UTP20: variants seen among roughly 807,000 people sequenced by gnomAD.
UTP20 encodes UTP20 small subunit processome component, also known as small subunit processome component 20 homolog.
A neutral mutation model predicts 329.5 loss-of-function variants in UTP20; 164 were observed. The observed-to-expected ratio is 0.50, with a 90% CI of 0.44 to 0.57. The LOEUF is 0.57. UTP20 is among the 20% of genes least tolerant of loss of function. The probability of loss-of-function intolerance (pLI) is 0.00; values close to 1 mark genes in which losing one functional copy is unlikely to be tolerated. For synonymous variants in UTP20, 1,151 were observed against 1,159.3 expected, an observed-to-expected ratio of 0.99 and a Z score of 0.14; for missense variants, 3,055 against 3,284.2, an observed-to-expected ratio of 0.93 and a Z score of 1.71.
chr12:101,294,775 C>T (rs1872294822), intron 11 of UTP20, among the ~76,000 whole-genome samples: 1 of 151,822 alleles, frequency 6.6e-6, no homozygotes, highest in Non-Finnish European at 1.5e-5. Flanking sequence ...AACTCCTGAC[C>T]TCAGATGATC....
chr12:101,344,466 G>A (rs1366127655), intron 35 of UTP20, 129 bp from the exon 36 acceptor site: 2 of 629,196 alleles, frequency 3.2e-6, no homozygotes, highest in Non-Finnish European at 5.7e-6. Flanking sequence ...AAATATTTGT[G>A]GGAACTTGTT....
intron 11 of UTP20, among the ~76,000 whole-genome samples, chr12:101,294,525 A>G (rs1206072456): frequency 6.7e-6 from 1 of 148,840 alleles, no homozygotes; most frequent in African/African-American, 2.5e-5. Flanking sequence ...ACCTTTTTGT[A>G]TACATTCTCG....
chr12:101,318,054 G>A (rs1182540617), intron 22 of UTP20, among the ~76,000 whole-genome samples: 2 of 152,116 alleles, frequency 1.3e-5, no homozygotes, highest in Non-Finnish European at 2.9e-5. Context: ...TTAAAAATAA[G>A]CATGTTAGCA....
In UTP20 at chr12:101,320,844, G is replaced by A. The variant is rs1868353140; in HGVS notation, c.2830-8G>A. On this transcript the variant is annotated splice_region_variant and splice_polypyrimidine_tract_variant and intron_variant, in intron 23 of 61. Coordinates refer to ENST00000261637, the MANE Select transcript of UTP20 (RefSeq NM_014503.3). ...GACTTCATTAATTCTGTAAAATACT[G>A]TTCTTAGTTGTTGCTACACCAAGAT... 2.5e-6 allele frequency: 4 copies of A among 1,606,238 alleles called. No homozygotes were observed. Among genetic ancestry groups the A allele is most frequent in the Admixed American group, 3.4e-5 (2 of 58,006 alleles).
chr12:101,338,961 A>G lies in UTP20; in HGVS notation c.4013+4A>G, dbSNP rs768212682. ...AAGAGCTTGGCATTCTTTCAAAGTAAGTGATATGTTGATACTTAAAAGATA... is the reference window on the plus strand; with the variant it reads ...AAGAGCTTGGCATTCTTTCAAAGTAGGTGATATGTTGATACTTAAAAGATA... On this transcript the variant is annotated splice_donor_region_variant and intron_variant, in intron 31 of 61. Coordinates refer to ENST00000261637, the MANE Select transcript of UTP20 (RefSeq NM_014503.3). 6.9e-6 allele frequency: 11 copies of G among 1,583,750 alleles called. No homozygotes were observed. The highest frequency in any genetic ancestry group is 7.7e-6 in the Non-Finnish European group (9 of 1,171,940).
intron 7 of UTP20, 132 bp downstream of exon 7, chr12:101,290,406 A>G: frequency 5.4e-6 from 6 of 1,106,836 alleles, no homozygotes; most frequent in Non-Finnish European, 7.4e-6. Context: ...TTGGGTGTTC[A>G]GTAACAATGC....
Position 101,346,535 on chromosome 12 carries a change from A to T in UTP20, c.4831A>T (p.Asn1611Tyr). 6.2e-7 allele frequency: 1 copy of T among 1,609,748 alleles called. No homozygotes were observed. Among genetic ancestry groups the T allele is most frequent in the Non-Finnish European group, 8.5e-7 (1 of 1,178,322 alleles). Residue 1611 changes from asparagine (N) to tyrosine (Y), a missense_variant, in exon 38 of 62, where the codon AAT becomes TAT. By Grantham distance (143) the Asn-to-Tyr change is moderately radical. Transcript: ENST00000261637. ...TGTTCTGTCTTCTAAATCTCTTCAG[A>T]ATTACATCATGCCTTATGCCATGAC... ...KVVLSSKSLQ[N>Y]YIMPYAMTPI...
intron 27 of UTP20, among the ~76,000 whole-genome samples, chr12:101,329,975 A>G (rs1443329222): frequency 6.6e-6 from 1 of 151,830 alleles, no homozygotes; most frequent in Non-Finnish European, 1.5e-5. Flanking sequence ...AGCATGGGCA[A>G]CAGAGTGAGA....
intron 35 of UTP20, among the ~76,000 whole-genome samples, chr12:101,343,329 G>A (rs1869211133): frequency 6.6e-6 from 1 of 152,106 alleles, no homozygotes; most frequent in African/African-American, 2.4e-5. Context: ...AAATCAAGAA[G>A]TTATGTATTA....
chr12:101,306,703 G>T lies in UTP20; in HGVS notation c.1937G>T (p.Arg646Leu), dbSNP rs762347272. The T allele has an allele frequency of 6.3e-7, 1 of 1,598,292 alleles. No individual in the cohort carries two copies. Among genetic ancestry groups the T allele is most frequent in the African/African-American group, 1.3e-5 (1 of 74,452 alleles). ...GATGCCTTTTACTTTCTCCAGATTC[G>T]GCTTTTGACAATAAGGATCCTAAAC... Reference protein sequence around the residue: ...ANISTGVSKIRLLTIRILNHF... With the variant: ...ANISTGVSKILLLTIRILNHF... The change falls in exon 17 of 62, where the codon CGG becomes CTG. Residue 646 changes from arginine to leucine, a missense_variant. Transcript: ENST00000261637.
chr12:101,376,420 G>A (rs1456830438), intron 56 of UTP20, among the ~76,000 whole-genome samples: 1 of 152,066 alleles, frequency 6.6e-6, no homozygotes, highest in East Asian at 1.9e-4. Context: ...AGTATACTTA[G>A]ACAAATCTAG....
At chr12:101,293,004 G>A (rs1276796811) in intron 10 of UTP20, among the ~76,000 whole-genome samples, 164 bp from the exon 11 acceptor site, 1 of 152,230 alleles carries the variant, frequency 6.6e-6, no homozygotes, top group Non-Finnish European at 1.5e-5. Flanking sequence ...TGTGTAATCA[G>A]CAGAAGCCCT....
At chr12:101,370,985 A>T in intron 50 of UTP20, 73 bp from the exon 51 acceptor site, 1 of 1,286,064 alleles carries the variant, frequency 7.8e-7, no homozygotes, top group Non-Finnish European at 1.1e-6. Context: ...TGGTTGCTTT[A>T]GCGTCAAATC....
intron 54 of UTP20, among the ~76,000 whole-genome samples, chr12:101,374,100 T>G (rs1394890585): frequency 6.6e-6 from 1 of 150,404 alleles, no homozygotes; most frequent in Non-Finnish European, 1.5e-5. Context: ...CCGGGCGTAG[T>G]GGCGGGCGCC....
In UTP20 at chr12:101,317,675, A is replaced by T. The variant is rs758473607; in HGVS notation, c.2738+12A>T. 1.9e-6 allele frequency: 3 copies of T among 1,595,614 alleles called. No individual in the cohort carries two copies. The highest frequency in any genetic ancestry group is 2.6e-6 in the Non-Finnish European group (3 of 1,171,472). ...AGAGCTGCAGCAAAGTAAGTTCACC[A>T]TTGCTGAAAGATCACAGATCCACAG... is the stretch of plus-strand genomic sequence containing the variant. On this transcript the variant is annotated intron_variant, in intron 22 of 61. Coordinates refer to ENST00000261637, the MANE Select transcript of UTP20 (RefSeq NM_014503.3).
At chr12:101,353,383 C>T (rs969326169) in intron 40 of UTP20, among the ~76,000 whole-genome samples, 18 of 152,000 alleles carry the variant, frequency 1.2e-4, no homozygotes, top group Non-Finnish European at 5.9e-5. Flanking sequence ...TATAGAAATC[C>T]AATTTTATCA....
In UTP20 at chr12:101,383,134, G is replaced by A. The variant is rs1870705136; in HGVS notation, c.7750G>A (p.Glu2584Lys). 1 of 1,613,936 alleles carries A rather than the reference G, an allele frequency of 6.2e-7. No homozygotes were observed. The highest frequency in any genetic ancestry group is 8.5e-7 in the Non-Finnish European group (1 of 1,179,914). The change falls in exon 59 of 62, where the codon GAA becomes AAA. Residue 2584 changes from glutamate (E) to lysine (K), a missense_variant. Around this residue, in one of 3 missense-constraint regions of UTP20, gnomAD observed 337 missense variants for 345.5 expected, o/e 0.98. Coordinates refer to ENST00000261637, the MANE Select transcript of UTP20 (RefSeq NM_014503.3). Reference protein sequence around the residue: ...KQSKIKEDLEEQEALEDGVAC... With the variant: ...KQSKIKEDLEKQEALEDGVAC... ...AAGTAAGATAAAAGAAGACCTGGAA[G>A]AACAAGAAGCTTTAGAAGATGGTGT...
chr12:101,343,244 G>A (rs1869208198), intron 35 of UTP20, 151 bp downstream of exon 35: 3 of 525,644 alleles, frequency 5.7e-6, no homozygotes, highest in African/African-American at 2.0e-5. Flanking sequence ...TCTTATGTCT[G>A]GCAAAACAGT....
In UTP20 at chr12:101,320,746, A is replaced by T. The variant is rs568273621; in HGVS notation, c.2830-106A>T. On this transcript the variant is annotated intron_variant, in intron 23 of 61. Transcript: ENST00000261637. ...CAATCAGGTTTAGGTCTTGTGTAAA[A>T]ATTTAGAATTTTTCAAATCTCATTT... is the stretch of plus-strand genomic sequence containing the variant. 4 of 972,608 alleles carry T rather than the reference A, an allele frequency of 4.1e-6. No homozygotes were observed. The African/African-American group carries it at 6.7e-5, about 16-fold the overall frequency. 60.2% of individuals were successfully genotyped at this position (972,608 alleles called of 1,614,324 possible).
Sources: allele counts gnomAD v4.1 joint callset (sites outside exome capture counted in the v4.1 genomes callset), GRCh38; gene constraint gnomAD v4.1.1; regional missense constraint gnomAD v4.1.1; transcripts MANE v1.5; gene names NCBI Gene and HGNC (gene_info 2026-07-23, HGNC 2026-07-21).